PAPPA: variants seen among roughly 807,000 people sequenced by gnomAD.
PAPPA encodes the protein pappalysin 1, also known as pappalysin-1.
In PAPPA, 60 loss-of-function variants were observed where a neutral mutation model predicts 164.0. That is an observed-to-expected ratio of 0.37 (90% CI 0.30 to 0.45). The LOEUF is 0.45. PAPPA is among the 20% of genes least tolerant of loss of function. PAPPA has a pLI of 1.00. For synonymous variants in PAPPA, 875 were observed against 814.1 expected (o/e 1.07, Z -1.27); for missense variants, 1,782 against 2,087.3 (o/e 0.85, Z 2.85).
chr9:116,210,656 TTCTG>T (rs1034880879), intron 3 of PAPPA, among the ~76,000 whole-genome samples: 4 of 152,328 alleles, frequency 2.6e-5, no homozygotes, highest in South Asian at 2.1e-4. Context: ...CTGAGATCTG[TTCTG>T]TCTATCTGCC....
rs1327216300 is a variant in PAPPA at position 116,399,738 on chromosome 9, C to G, written c.*3122C>G. ...CAACAACCTTTTAAGGAAATACAGT[C>G]CTTGGGAAATGAGTTTTGATGGTGA... On this transcript the variant is annotated 3_prime_UTR_variant, in exon 22 of 22. Coordinates refer to ENST00000328252, the MANE Select transcript of PAPPA (RefSeq NM_002581.5). 2.0e-5 allele frequency: 3 copies of G among 152,494 alleles called. No individual in the cohort carries two copies. Among genetic ancestry groups the G allele is most frequent in the Non-Finnish European group, 2.9e-5 (2 of 68,020 alleles). 9.4% of individuals were successfully genotyped at this position (152,494 alleles called of 1,614,324 possible).
chr9:116,231,015 C>T (rs540653307), intron 6 of PAPPA, among the ~76,000 whole-genome samples: 17 of 151,908 alleles, frequency 1.1e-4, no homozygotes, highest in Non-Finnish European at 1.9e-4. Context: ...CTTAACTATT[C>T]ACCTGGAAAA....
At chr9:116,264,326 A>G (rs1203249167) in intron 7 of PAPPA, among the ~76,000 whole-genome samples, 1 of 152,218 alleles carries the variant, frequency 6.6e-6, no homozygotes, top group African/African-American at 2.4e-5. Context: ...AAATCTCTCA[A>G]GATATTGGTA....
At chr9:116,181,279 A>G (rs1038560554) in intron 1 of PAPPA, among the ~76,000 whole-genome samples, 1 of 152,146 alleles carries the variant, frequency 6.6e-6, no homozygotes, top group African/African-American at 2.4e-5. Flanking sequence ...CTGGAGATCA[A>G]AAGTCCAAGA....
chr9:116,275,694 C>G (rs936970405), intron 9 of PAPPA, among the ~76,000 whole-genome samples: 1 of 151,988 alleles, frequency 6.6e-6, no homozygotes, highest in Non-Finnish European at 1.5e-5. Context: ...TCATATTCTT[C>G]TCCTTTTTCT....
intron 2 of PAPPA, among the ~76,000 whole-genome samples, chr9:116,191,721 A>T (rs892048840): frequency 3.3e-5 from 5 of 152,200 alleles, no homozygotes; most frequent in African/African-American, 4.8e-5. Context: ...GGCATTTGAG[A>T]ATAGGCAGCC....
At chr9:116,359,122 C>A (rs1415938257) in intron 17 of PAPPA, among the ~76,000 whole-genome samples, 1 of 152,178 alleles carries the variant, frequency 6.6e-6, no homozygotes, top group Non-Finnish European at 1.5e-5. Flanking sequence ...TGAATTCAGG[C>A]AGTTTGACTT....
intron 4 of PAPPA, among the ~76,000 whole-genome samples, chr9:116,214,220 T>C (rs1253253486): frequency 2.0e-5 from 3 of 152,182 alleles, no homozygotes; most frequent in Non-Finnish European, 4.4e-5. Context: ...TTTTAACTAA[T>C]TTAAATCAGA....
chr9:116,377,728 T>C (rs1302447823), intron 20 of PAPPA, 81 bp downstream of exon 20: 4 of 1,076,216 alleles, frequency 3.7e-6, no homozygotes, highest in Non-Finnish European at 5.7e-6. Context: ...TAATGTTGGC[T>C]ATCCTTTGCC....
chr9:116,186,942 C>T (rs144012686), intron 1 of PAPPA, among the ~76,000 whole-genome samples: 3,985 of 152,128 alleles, frequency 0.026, 141 homozygotes, highest in Admixed American at 0.099. Context: ...TGCTCCAAAC[C>T]CAACTTACTC....
chr9:116,306,264 T>G (rs541879385), intron 10 of PAPPA, among the ~76,000 whole-genome samples: 78 of 152,328 alleles, frequency 5.1e-4, no homozygotes, highest in African/African-American at 1.8e-3. Context: ...AAAGGCACAT[T>G]CTTATCACAA....
chr9:116,310,775 G>T (rs566626312), intron 10 of PAPPA, among the ~76,000 whole-genome samples: 1 of 152,260 alleles, frequency 6.6e-6, no homozygotes, highest in South Asian at 2.1e-4. Flanking sequence ...TAAAAAATGA[G>T]ATCTAGGATC....
chr9:116,289,512 G>T (rs1845409370), intron 9 of PAPPA, among the ~76,000 whole-genome samples: 1 of 151,094 alleles, frequency 6.6e-6, no homozygotes, highest in Admixed American at 6.6e-5. Flanking sequence ...ATTTGACATT[G>T]AATATTCCCA....
intron 10 of PAPPA, among the ~76,000 whole-genome samples, chr9:116,327,945 T>C (rs1272439614): frequency 6.6e-6 from 1 of 152,224 alleles, no homozygotes; most frequent in East Asian, 1.9e-4. Flanking sequence ...TGGTCAGGAT[T>C]GCAGCCAACT....
At chr9:116,286,416 C>A (rs1845339910) in intron 9 of PAPPA, 1 of 152,146 alleles carries the variant, frequency 6.6e-6, no homozygotes, top group Admixed American at 6.5e-5. Flanking sequence ...GGTCTGCCAC[C>A]CCCCAGGCAG....
chr9:116,250,829 C>A (rs1340383090), intron 7 of PAPPA, among the ~76,000 whole-genome samples: 1 of 152,186 alleles, frequency 6.6e-6, no homozygotes, highest in Admixed American at 6.5e-5. Context: ...AATTCCCAGT[C>A]CAGGTGTTTC....
intron 21 of PAPPA, among the ~76,000 whole-genome samples, chr9:116,386,718 G>A (rs1846818545): frequency 6.6e-6 from 1 of 152,130 alleles, no homozygotes; most frequent in African/African-American, 2.4e-5. Flanking sequence ...TCCCTGTTCT[G>A]GTTGGAAACA....
intron 17 of PAPPA, among the ~76,000 whole-genome samples, chr9:116,360,741 T>G (rs188458373): frequency 6.6e-6 from 1 of 152,304 alleles, no homozygotes; most frequent in East Asian, 1.9e-4. Flanking sequence ...AGCAAAAATA[T>G]CTATTAAGTG....
At chr9:116,284,799 C>T (rs1845312508) in intron 9 of PAPPA, among the ~76,000 whole-genome samples, 1 of 152,104 alleles carries the variant, frequency 6.6e-6, no homozygotes, top group African/African-American at 2.4e-5. Flanking sequence ...TGCCATTCTT[C>T]CCATTTTACT....
Sources: allele counts gnomAD v4.1 joint callset (sites outside exome capture counted in the v4.1 genomes callset), GRCh38; gene constraint gnomAD v4.1.1; transcripts MANE v1.5; gene names NCBI Gene and HGNC (gene_info 2026-07-23, HGNC 2026-07-21).